Variants in MACROD2 observed in about 807,000 individuals in gnomAD.
MACROD2 encodes mono-ADP ribosylhydrolase 2, also known as ADP-ribose glycohydrolase MACROD2.
In MACROD2, 36 loss-of-function variants were observed where a neutral mutation model predicts 70.4. The ratio of observed to expected loss-of-function variants is 0.51; its 90% CI spans 0.39 to 0.68. MACROD2 has a LOEUF of 0.68. Among genes scored for constraint, MACROD2 ranks in the 30% least tolerant of loss-of-function variants. The pLI is 0.00. For synonymous variants in MACROD2, 172 were observed against 178.8 expected, an observed-to-expected ratio of 0.96 and a Z score of 0.30; for missense variants, 496 against 538.4, an observed-to-expected ratio of 0.92 and a Z score of 0.78.
At chr20:15,703,004 C>T (rs557785539) in intron 8 of MACROD2, among the ~76,000 whole-genome samples, 2 of 152,252 alleles carry the variant, frequency 1.3e-5, no homozygotes, top group East Asian at 3.9e-4. Flanking sequence ...AATTAATTAT[C>T]TGATCTTTGA....
intron 10 of MACROD2, among the ~76,000 whole-genome samples, chr20:15,903,492 C>T (rs781227101): frequency 1.3e-5 from 2 of 152,074 alleles, no homozygotes; most frequent in African/African-American, 2.4e-5. Flanking sequence ...GGGTGGGTTC[C>T]GCACTAGAGT....
At chr20:15,729,932 G>A (rs1037017008) in intron 8 of MACROD2, among the ~76,000 whole-genome samples, 3 of 143,860 alleles carry the variant, frequency 2.1e-5, no homozygotes, top group African/African-American at 7.8e-5. Flanking sequence ...AGGTTCAAGT[G>A]ATTCTCTTGA....
At chr20:14,603,066 AATT>A (rs774265597) in intron 4 of MACROD2, among the ~76,000 whole-genome samples, 2 of 152,188 alleles carry the variant, frequency 1.3e-5, no homozygotes, top group African/African-American at 2.4e-5. Flanking sequence ...ACACATAATA[AATT>A]ATTAGGAAAT....
intron 4 of MACROD2, chr20:14,547,447 T>C (rs141664402): frequency 1.3e-4 from 28 of 207,816 alleles, no homozygotes; most frequent in African/African-American, 5.8e-4. Flanking sequence ...CTTTGAGCTG[T>C]TGTATTTTGC....
At chr20:16,035,117 T>TAATATAA (rs2067209783) in intron 15 of MACROD2, among the ~76,000 whole-genome samples, 1 of 25,542 alleles carries the variant, frequency 3.9e-5, no homozygotes, top group Non-Finnish European at 1.4e-4. Flanking sequence ...ATATAAAATA[T>TAATATAA]AATATAAAAT....
chr20:16,007,520 G>A (rs1037812650), intron 15 of MACROD2, among the ~76,000 whole-genome samples: 7 of 152,084 alleles, frequency 4.6e-5, no homozygotes, highest in East Asian at 3.9e-4. Context: ...GTTTCACCAC[G>A]GCCATGGTGC....
chr20:14,976,414 C>A lies in MACROD2; in HGVS notation c.419-253526C>A, dbSNP rs76211145. Among the ~76,000 whole-genome samples, 338 of 152,256 alleles carry A rather than the reference C, an allele frequency of 2.2e-3. 8 individuals carry two copies. In the East Asian group the frequency reaches 0.046, roughly 21 times the overall value. ...AGCACATCACTCCAGCCTCTGCCCC[C>A]ATCCTTGTCATCACATTGCTGTCTC... is the stretch of plus-strand genomic sequence containing the variant. On this transcript the variant is annotated intron_variant, in intron 5 of 17. Coordinates refer to ENST00000684519, the MANE Select transcript of MACROD2 (RefSeq NM_001351661.2).
intron 4 of MACROD2, among the ~76,000 whole-genome samples, chr20:14,583,499 T>G (rs1981178572): frequency 6.6e-6 from 1 of 152,132 alleles, no homozygotes; most frequent in Non-Finnish European, 1.5e-5. Flanking sequence ...CCTGTGTCAT[T>G]CTCCTCACAA....
At chr20:14,282,182 G>T (rs2208453) in intron 3 of MACROD2, among the ~76,000 whole-genome samples, 100,056 of 151,918 alleles carry the variant, frequency 0.66, 33,797 homozygotes, top group Non-Finnish European at 0.74. Context: ...TCTCGCCATA[G>T]GCACATATAT....
At chr20:14,684,391 T>G (rs901380171) in intron 4 of MACROD2, among the ~76,000 whole-genome samples, 3 of 152,150 alleles carry the variant, frequency 2.0e-5, no homozygotes, top group Non-Finnish European at 4.4e-5. Flanking sequence ...TCTTACTGAC[T>G]TTTTTCTTCT....
chr20:14,516,142 G>A (rs1464119346), intron 4 of MACROD2, among the ~76,000 whole-genome samples: 1 of 151,136 alleles, frequency 6.6e-6, no homozygotes, highest in African/African-American at 2.4e-5. Context: ...AACCTTTAAA[G>A]CACTTGGGTA....
chr20:15,974,796 A>T (rs777209331), intron 13 of MACROD2, among the ~76,000 whole-genome samples: 9 of 152,170 alleles, frequency 5.9e-5, no homozygotes, highest in Admixed American at 1.3e-4. Flanking sequence ...TGTTTTTTTA[A>T]CTGTGAGCAC....
intron 3 of MACROD2, chr20:14,327,596 A>C (rs1280721826): frequency 1.5e-6 from 2 of 1,350,840 alleles, no homozygotes; most frequent in Non-Finnish European, 2.0e-6. Context: ...GAAAACAATA[A>C]GGCCAGCATA....
chr20:14,762,549 A>G (rs940425088), intron 5 of MACROD2, among the ~76,000 whole-genome samples: 1 of 152,136 alleles, frequency 6.6e-6, no homozygotes, highest in Non-Finnish European at 1.5e-5. Context: ...CTGAGCATTT[A>G]TTTCTCAGGT....
intron 10 of MACROD2, among the ~76,000 whole-genome samples, chr20:15,925,799 T>G (rs1033700214): frequency 6.6e-6 from 1 of 152,146 alleles, no homozygotes; most frequent in Non-Finnish European, 1.5e-5. Context: ...CAGGTTCCAT[T>G]TTTCCTCTTC....
chr20:14,209,760 G>A lies in MACROD2; in HGVS notation c.271+124032G>A, dbSNP rs74522956. ...AGCATGGGGGGTTTTGTCTAGAGTG[G>A]AACATAGCACTTCTCTTAACTTTCA... On this transcript the variant is annotated intron_variant, in intron 3 of 17. Transcript: ENST00000684519. 2.6e-5 allele frequency among the ~76,000 whole-genome samples: 4 copies of A among 152,214 alleles called. No homozygotes were observed. The East Asian group carries it at 7.8e-4, about 30-fold the overall frequency.
intron 3 of MACROD2, among the ~76,000 whole-genome samples, chr20:14,125,337 C>T (rs2054635234): frequency 6.6e-6 from 1 of 152,156 alleles, no homozygotes; most frequent in South Asian, 2.1e-4. Flanking sequence ...AATAAGCAAA[C>T]TCACAGAATT....
At chr20:14,116,045 G>A (rs2054509437) in intron 3 of MACROD2, among the ~76,000 whole-genome samples, 1 of 152,160 alleles carries the variant, frequency 6.6e-6, no homozygotes. Flanking sequence ...TTGAGTATCA[G>A]ATGGGGCTGA....
At chr20:14,841,816 C>A (rs1183958117) in intron 5 of MACROD2, among the ~76,000 whole-genome samples, 1 of 151,944 alleles carries the variant, frequency 6.6e-6, no homozygotes, top group Non-Finnish European at 1.5e-5. Flanking sequence ...TATTCTATGA[C>A]CTTGGTATTA....
Sources: gnomAD v4.1 joint callset for allele counts (sites outside exome capture counted in the v4.1 genomes callset) on GRCh38, gnomAD v4.1.1 for gene constraint, MANE v1.5 for transcripts, NCBI Gene and HGNC (gene_info 2026-07-23, HGNC 2026-07-21) for gene names.